LIN7A: variants seen among roughly 807,000 people sequenced by gnomAD.
LIN7A encodes the protein lin-7 cell polarity scaffold A.
A neutral mutation model predicts 29.8 loss-of-function variants in LIN7A; 25 were observed. The observed-to-expected ratio is 0.84, with a 90% CI of 0.61 to 1.17. The LOEUF (loss-of-function observed/expected upper bound fraction) is 1.17, where lower values mean the gene tolerates loss of function less well. LIN7A is among the 50% of genes most tolerant of loss of function. The pLI is 0.00. For missense variants in LIN7A, 239 were observed against 287.0 expected (o/e 0.83, Z 1.21); for synonymous variants, 118 against 107.5 (o/e 1.10, Z -0.60).
intron 1 of LIN7A, among the ~76,000 whole-genome samples, chr12:80,924,706 T>C (rs1877483723): frequency 6.6e-6 from 1 of 152,090 alleles, no homozygotes; most frequent in Non-Finnish European, 1.5e-5. Context: ...TAAATAGAAC[T>C]AAAAAGAAAG....
chr12:80,877,625 G>A (rs1055620394), intron 2 of LIN7A, among the ~76,000 whole-genome samples: 2 of 152,080 alleles, frequency 1.3e-5, no homozygotes, highest in South Asian at 4.1e-4. Context: ...AAGGAAGAGA[G>A]GGAAGAAGAA....
At chr12:80,804,197 A>C (rs1349251154) in intron 5 of LIN7A, among the ~76,000 whole-genome samples, 1 of 152,150 alleles carries the variant, frequency 6.6e-6, no homozygotes. Context: ...CATCCTCTTA[A>C]GTATTTATCC....
chr12:80,833,637 TG>T (rs2121529258), intron 4 of LIN7A, among the ~76,000 whole-genome samples: 1 of 152,352 alleles, frequency 6.6e-6, no homozygotes, highest in East Asian at 1.9e-4. Context: ...TTCCATGATG[TG>T]GCTCAAGCCC....
chr12:80,923,451 T>G (rs1877420721), intron 1 of LIN7A, among the ~76,000 whole-genome samples: 1 of 152,212 alleles, frequency 6.6e-6, no homozygotes, highest in African/African-American at 2.4e-5. Flanking sequence ...TATTTTTGCC[T>G]TTTGTACTAA....
intron 4 of LIN7A, among the ~76,000 whole-genome samples, chr12:80,840,848 C>T (rs374346249): frequency 5.3e-5 from 8 of 152,220 alleles, no homozygotes; most frequent in African/African-American, 1.9e-4. Flanking sequence ...ACATGGTACT[C>T]ATATTTTGAA....
At chr12:80,904,853 A>C (rs533150819) in intron 1 of LIN7A, among the ~76,000 whole-genome samples, 168 of 152,318 alleles carry the variant, frequency 1.1e-3, no homozygotes, top group African/African-American at 3.9e-3. Flanking sequence ...AATTTTATGC[A>C]ATATTTTTAA....
intron 4 of LIN7A, among the ~76,000 whole-genome samples, chr12:80,824,393 A>C (rs1018286137): frequency 6.6e-6 from 1 of 152,186 alleles, no homozygotes; most frequent in African/African-American, 2.4e-5. Flanking sequence ...CAACAAAAAA[A>C]AAAGTCCAGG....
intron 5 of LIN7A, among the ~76,000 whole-genome samples, chr12:80,807,021 A>G (rs958311172): frequency 2.7e-5 from 4 of 148,532 alleles, no homozygotes; most frequent in Non-Finnish European, 4.5e-5. Flanking sequence ...TAAAAATACT[A>G]GTCTGTGGTG....
At chr12:80,866,863 C>T (rs929714525) in intron 2 of LIN7A, among the ~76,000 whole-genome samples, 7 of 152,174 alleles carry the variant, frequency 4.6e-5, no homozygotes, top group Non-Finnish European at 8.8e-5. Context: ...GCTTGTTCTC[C>T]TCACCATCCT....
chr12:80,870,096 G>C (rs1439911447), intron 2 of LIN7A, among the ~76,000 whole-genome samples: 1 of 152,160 alleles, frequency 6.6e-6, no homozygotes, highest in East Asian at 1.9e-4. Context: ...TCCTAATAGA[G>C]TGGGGCTTCT....
At chr12:80,858,306 C>T (rs1170038545) in intron 2 of LIN7A, among the ~76,000 whole-genome samples, 1 of 152,060 alleles carries the variant, frequency 6.6e-6, no homozygotes, top group African/African-American at 2.4e-5. Context: ...TAAAGCTATG[C>T]TATTAATCTT....
chr12:80,917,946 T>G (rs574618624), intron 1 of LIN7A, among the ~76,000 whole-genome samples: 1 of 152,372 alleles, frequency 6.6e-6, no homozygotes, highest in East Asian at 1.9e-4. Context: ...GAGAAACCAG[T>G]GTAAATAAAT....
At chr12:80,829,685 T>C (rs1354877125) in intron 4 of LIN7A, among the ~76,000 whole-genome samples, 2 of 152,204 alleles carry the variant, frequency 1.3e-5, no homozygotes, top group Non-Finnish European at 2.9e-5. Context: ...TAGGAATTTT[T>C]CTGAAAATGA....
chr12:80,854,484 GCC>G (rs1491236517), intron 2 of LIN7A, among the ~76,000 whole-genome samples: 45 of 19,142 alleles, frequency 2.4e-3, no homozygotes, highest in Admixed American at 6.8e-3. Flanking sequence ...ATGTTGCTAA[GCC>G]AAAAAAAAAA....
chr12:80,892,604 A>G (rs1290867055), intron 1 of LIN7A, among the ~76,000 whole-genome samples: 1 of 152,170 alleles, frequency 6.6e-6, no homozygotes, highest in Non-Finnish European at 1.5e-5. Flanking sequence ...AGAAGTTATT[A>G]ATGCCTGAGA....
intron 2 of LIN7A, among the ~76,000 whole-genome samples, chr12:80,874,905 G>T (rs557710201): frequency 6.6e-6 from 1 of 152,298 alleles, no homozygotes; most frequent in East Asian, 1.9e-4. Context: ...GGAGGCTGAG[G>T]CAGGAGAATG....
chr12:80,880,790 C>G (rs569860922), intron 2 of LIN7A, among the ~76,000 whole-genome samples: 7 of 141,754 alleles, frequency 4.9e-5, no homozygotes, highest in Non-Finnish European at 8.0e-5. Context: ...CACACACAGA[C>G]ACACACACAC....
intron 4 of LIN7A, among the ~76,000 whole-genome samples, chr12:80,840,415 G>A (rs540343243): frequency 4.6e-5 from 7 of 152,260 alleles, no homozygotes; most frequent in African/African-American, 1.4e-4. Context: ...ACGTGTGCAC[G>A]TGTGTCTTTG....
intron 5 of LIN7A, among the ~76,000 whole-genome samples, chr12:80,804,411 C>T (rs577279703): frequency 3.3e-5 from 5 of 152,246 alleles, no homozygotes; most frequent in South Asian, 2.1e-4. Flanking sequence ...CTTCTACCCT[C>T]TATCTCCATG....
Sources: allele counts gnomAD v4.1 joint callset (sites outside exome capture counted in the v4.1 genomes callset), GRCh38; gene constraint gnomAD v4.1.1; transcripts MANE v1.5; gene names NCBI Gene and HGNC (gene_info 2026-07-23, HGNC 2026-07-21).